CSMD1: variants seen among roughly 807,000 people sequenced by gnomAD.
The protein encoded by CSMD1 is CUB and sushi domain-containing protein 1.
A neutral mutation model predicts 417.5 loss-of-function variants in CSMD1; 213 were observed. The observed-to-expected ratio is 0.51, with a 90% CI of 0.46 to 0.57. The LOEUF (loss-of-function observed/expected upper bound fraction) is 0.57. Ranked by LOEUF, CSMD1 falls within the 20% of genes least tolerant of loss-of-function variation. The pLI is 0.00. For missense variants in CSMD1, 6,923 were observed against 4,529.7 expected, an observed-to-expected ratio of 1.53 and a Z score of -15.17; for synonymous variants, 2,862 against 1,736.8, an observed-to-expected ratio of 1.65 and a Z score of -16.11.
chr8:3,129,499 GTT>G (rs1817679410), intron 41 of CSMD1, among the ~76,000 whole-genome samples: 1 of 152,304 alleles, frequency 6.6e-6, no homozygotes, highest in African/African-American at 2.4e-5. Flanking sequence ...GCTGGGCCGG[GTT>G]CAGTGGCTCA....
intron 23 of CSMD1, among the ~76,000 whole-genome samples, chr8:3,333,128 C>T (rs534915723): frequency 6.6e-6 from 1 of 152,278 alleles, no homozygotes; most frequent in South Asian, 2.1e-4. Context: ...AGTCTGACCA[C>T]TGTGACGACC....
chr8:4,649,248 G>C (rs1176902260), intron 1 of CSMD1, among the ~76,000 whole-genome samples: 5 of 152,100 alleles, frequency 3.3e-5, no homozygotes, highest in Admixed American at 1.3e-4. Context: ...GTAAACATTT[G>C]GTCTATGGAA....
intron 8 of CSMD1, among the ~76,000 whole-genome samples, chr8:3,606,099 C>T (rs1008499325): frequency 3.3e-5 from 5 of 152,118 alleles, no homozygotes; most frequent in Non-Finnish European, 5.9e-5. Flanking sequence ...TGCTAGGAAA[C>T]GTTGAAATCG....
intron 6 of CSMD1, among the ~76,000 whole-genome samples, chr8:3,741,220 A>T (rs78605058): frequency 9.6e-6 from 1 of 104,694 alleles, no homozygotes; most frequent in East Asian, 2.9e-4. Flanking sequence ...TCTTAAAAAA[A>T]AAAAAAAAAA....
intron 10 of CSMD1, among the ~76,000 whole-genome samples, chr8:3,517,821 G>A (rs1488229028): frequency 2.0e-5 from 3 of 152,124 alleles, no homozygotes; most frequent in African/African-American, 7.2e-5. Flanking sequence ...TCTATGAGAA[G>A]AAACACCCAA....
chr8:3,325,270 C>T (rs190889179), intron 23 of CSMD1, among the ~76,000 whole-genome samples: 1 of 152,318 alleles, frequency 6.6e-6, no homozygotes, highest in African/African-American at 2.4e-5. Context: ...CTGACTAATA[C>T]AATCACAATC....
chr8:3,981,953 C>A (rs1292081088), intron 5 of CSMD1, among the ~76,000 whole-genome samples: 1 of 151,920 alleles, frequency 6.6e-6, no homozygotes, highest in Non-Finnish European at 1.5e-5. Flanking sequence ...AGGTGGATCA[C>A]AAGTTCAGGA....
rs181508305 is a variant in CSMD1, at chr8:4,287,303, C to G, written c.415+132650G>C. On this transcript the variant is annotated intron_variant, in intron 3 of 69. Transcript: ENST00000635120. Reference sequence around the variant, plus strand: ...GTATTTTTGTGTAACTCTTTATTTTCAGATAAATCAAGCACATCTGGAGAA... The same window carrying G: ...GTATTTTTGTGTAACTCTTTATTTTGAGATAAATCAAGCACATCTGGAGAA... Among the ~76,000 whole-genome samples, 312 of 152,236 alleles carry G rather than the reference C, an allele frequency of 2.0e-3. 3 individuals carry two copies. Among genetic ancestry groups the G allele is most frequent in the African/African-American group, 7.0e-3 (292 of 41,552 alleles).
intron 23 of CSMD1, among the ~76,000 whole-genome samples, chr8:3,341,305 TC>T (rs1034254105): frequency 6.6e-5 from 10 of 152,296 alleles, no homozygotes; most frequent in African/African-American, 2.4e-4. Context: ...AGAAGAGGCT[TC>T]AGAATTATGG....
Position 3,396,398 on chromosome 8 carries a change from C to T in CSMD1, c.2406-17G>A, listed in dbSNP as rs114632867. ...GTCTGAAATCTGCAAATATATACATCCCATCAGAAAAGACATGCAGAACTG... is the reference window on the plus strand; with the variant it reads ...GTCTGAAATCTGCAAATATATACATTCCATCAGAAAAGACATGCAGAACTG... On this transcript the variant is annotated splice_polypyrimidine_tract_variant and intron_variant, in intron 16 of 69. Transcript: ENST00000635120. The T allele has an allele frequency of 1.3e-6, 2 of 1,528,776 alleles. No individual in the cohort carries two copies. The highest frequency in any genetic ancestry group is 1.8e-6 in the Non-Finnish European group (2 of 1,135,870). The allele number at this position is 1,528,776 out of a possible 1,614,324, so 94.7% of individuals were successfully genotyped here. A position where few individuals can be genotyped will look rare whatever the true frequency, so the allele number is the denominator to read the frequency against.
At chr8:4,834,781 C>T (rs1372759047) in intron 1 of CSMD1, among the ~76,000 whole-genome samples, 1 of 150,988 alleles carries the variant, frequency 6.6e-6, no homozygotes, top group Non-Finnish European at 1.5e-5. Context: ...ACGGTGAAAC[C>T]CCGTCTCTAC....
chr8:4,245,658 A>G (rs1196286101), intron 3 of CSMD1, among the ~76,000 whole-genome samples: 2 of 152,114 alleles, frequency 1.3e-5, no homozygotes, highest in Non-Finnish European at 1.5e-5. Flanking sequence ...CAGATAACCA[A>G]TCTACCCCAT....
intron 21 of CSMD1, among the ~76,000 whole-genome samples, chr8:3,350,505 G>A (rs940493729): frequency 6.6e-6 from 1 of 151,732 alleles, no homozygotes; most frequent in Non-Finnish European, 1.5e-5. Context: ...AAAGGGAATA[G>A]CACTTTTAAA....
At chr8:3,497,672 T>C (rs1168509880) in intron 10 of CSMD1, among the ~76,000 whole-genome samples, 2 of 152,262 alleles carry the variant, frequency 1.3e-5, no homozygotes, top group Non-Finnish European at 2.9e-5. Flanking sequence ...TGTCTTCAGT[T>C]TAGTCTATGC....
At chr8:4,732,089 C>T (rs901705953) in intron 1 of CSMD1, among the ~76,000 whole-genome samples, 1 of 152,062 alleles carries the variant, frequency 6.6e-6, no homozygotes, top group African/African-American at 2.4e-5. Context: ...CCAACAGTCC[C>T]GCATCCTTAT....
At chr8:3,161,386 G>A (rs574652516) in intron 38 of CSMD1, among the ~76,000 whole-genome samples, 1 of 152,198 alleles carries the variant, frequency 6.6e-6, no homozygotes, top group African/African-American at 2.4e-5. Flanking sequence ...GGAGGCCAAG[G>A]CAGGTGGATC....
At chr8:4,790,588 C>A (rs1028369732) in intron 1 of CSMD1, among the ~76,000 whole-genome samples, 10 of 152,092 alleles carry the variant, frequency 6.6e-5, no homozygotes, top group Non-Finnish European at 1.3e-4. Flanking sequence ...GCTATACAAC[C>A]AAGCTACAGT....
chr8:4,244,416 A>T (rs1232246221), intron 3 of CSMD1, among the ~76,000 whole-genome samples: 1 of 152,224 alleles, frequency 6.6e-6, no homozygotes, highest in Non-Finnish European at 1.5e-5. Flanking sequence ...AAACTAGTAG[A>T]AAAGCAGGCC....
Position 4,889,442 on chromosome 8 carries a change from A to T in CSMD1, c.85+104890T>A, listed in dbSNP as rs80037784. On this transcript the variant is annotated intron_variant, in intron 1 of 69. Transcript: ENST00000635120. ...GGCTGGGAAAAGTAGCCAAAATTTG[A>T]ATAAGCTTTGTAGGTGAGGCCATTT... is the stretch of plus-strand genomic sequence containing the variant. Among the ~76,000 whole-genome samples, 162 of 152,252 alleles carry T rather than the reference A, an allele frequency of 1.1e-3. 3 individuals carry two copies. The highest frequency in any genetic ancestry group is 3.6e-3 in the African/African-American group (149 of 41,492).
Sources: gnomAD v4.1 joint callset for allele counts (sites outside exome capture counted in the v4.1 genomes callset) on GRCh38, gnomAD v4.1.1 for gene constraint, MANE v1.5 for transcripts, NCBI Gene and HGNC (gene_info 2026-07-23, HGNC 2026-07-21) for gene names.